Variants in KHDRBS2 observed in about 807,000 individuals in gnomAD.
KHDRBS2 encodes KH domain-containing, RNA-binding, signal transduction-associated protein 2.
In KHDRBS2, 26 loss-of-function variants were observed where a neutral mutation model predicts 44.3. That is an observed-to-expected ratio of 0.59 (90% CI 0.43 to 0.81). KHDRBS2 has a LOEUF of 0.81. Among genes scored for constraint, KHDRBS2 ranks in the 40% least tolerant of loss-of-function variants. The probability of loss-of-function intolerance (pLI) is 0.00; values close to 1 mark genes in which losing one functional copy is unlikely to be tolerated. For missense variants in KHDRBS2, 476 were observed against 433.1 expected (o/e 1.10, Z -0.88); for synonymous variants, 194 against 151.1 (o/e 1.28, Z -2.08).
At chr6:61,568,543 G>T in the KHDRBS2 span, among the ~76,000 whole-genome samples, 2 of 152,144 alleles carry the variant, frequency 1.3e-5, no homozygotes, top group African/African-American at 2.4e-5. Context: ...CAGATCCTTT[G>T]AATGTTACTG....
chr6:61,939,411 C>G (rs1811698638), intron 4 of KHDRBS2, among the ~76,000 whole-genome samples: 2 of 152,072 alleles, frequency 1.3e-5, no homozygotes, highest in Admixed American at 6.6e-5. Context: ...TTTCTGCTTA[C>G]CCCCTGTAAT....
At chr6:61,693,417 C>T (rs1767578632) in intron 8 of KHDRBS2, among the ~76,000 whole-genome samples, 1 of 152,112 alleles carries the variant, frequency 6.6e-6, no homozygotes, top group Non-Finnish European at 1.5e-5. Flanking sequence ...TTTGTCCTTG[C>T]TCTATTGCCT....
intron 6 of KHDRBS2, among the ~76,000 whole-genome samples, chr6:61,871,330 C>T (rs1214363326): frequency 1.3e-5 from 2 of 152,136 alleles, no homozygotes; most frequent in African/African-American, 4.8e-5. Context: ...AAGGAATAAA[C>T]AAAGCCTCCA....
intron 6 of KHDRBS2, among the ~76,000 whole-genome samples, chr6:61,878,555 T>C (rs1250427010): frequency 6.6e-6 from 1 of 152,026 alleles, no homozygotes; most frequent in Non-Finnish European, 1.5e-5. Flanking sequence ...GTTTTGAACT[T>C]GCTGTTCTGC....
intron 6 of KHDRBS2, among the ~76,000 whole-genome samples, chr6:61,747,526 C>T (rs1777046495): frequency 6.6e-6 from 1 of 152,022 alleles, no homozygotes. Context: ...AATTTTTACA[C>T]ATTATTTCAC....
At chr6:62,097,928 A>T (rs1464095586) in intron 2 of KHDRBS2, among the ~76,000 whole-genome samples, 1 of 152,082 alleles carries the variant, frequency 6.6e-6, no homozygotes, top group African/African-American at 2.4e-5. Flanking sequence ...GTCTTACCAA[A>T]ACATCTTGGA....
the KHDRBS2 span, among the ~76,000 whole-genome samples, chr6:61,641,956 T>C: frequency 6.6e-6 from 1 of 152,192 alleles, no homozygotes; most frequent in South Asian, 2.1e-4. Flanking sequence ...TTTAGTCCTC[T>C]CAATTCTACA....
At chr6:61,795,972 T>A (rs931450317) in intron 6 of KHDRBS2, among the ~76,000 whole-genome samples, 1 of 152,130 alleles carries the variant, frequency 6.6e-6, no homozygotes, top group Non-Finnish European at 1.5e-5. Context: ...GTAGTTAAGA[T>A]CATGAGGATG....
At chr6:61,735,280 C>T (rs7755261) in intron 6 of KHDRBS2, among the ~76,000 whole-genome samples, 54,605 of 151,790 alleles carry the variant, frequency 0.36, 10,580 homozygotes, top group East Asian at 0.48. Flanking sequence ...TTTTAAGAAA[C>T]CATTTGCAAA....
Position 62,075,950 on chromosome 6 carries a change from A to G in KHDRBS2, c.220-27956T>C, listed in dbSNP as rs139754870. Among the ~76,000 whole-genome samples, 268 of 150,410 alleles carry G rather than the reference A, an allele frequency of 1.8e-3. 2 individuals carry two copies. The highest frequency in any genetic ancestry group is 6.2e-3 in the African/African-American group (253 of 40,944). Reference sequence around the variant, plus strand: ...ATGGCACCAAGGAATTTTTTTGATCAATTTGAATGTAGATTTTTTTTGCTG... The same window carrying G: ...ATGGCACCAAGGAATTTTTTTGATCGATTTGAATGTAGATTTTTTTTGCTG... On this transcript the variant is annotated intron_variant, in intron 2 of 8. Coordinates refer to ENST00000281156, the MANE Select transcript of KHDRBS2 (RefSeq NM_152688.4).
At chr6:62,131,666 C>T (rs540896655) in intron 2 of KHDRBS2, among the ~76,000 whole-genome samples, 1 of 152,224 alleles carries the variant, frequency 6.6e-6, no homozygotes, top group East Asian at 1.9e-4. Context: ...CTCTGGTTTC[C>T]TATTGGGGTC....
At chr6:61,848,521 A>ACG (rs1477778672) in intron 6 of KHDRBS2, among the ~76,000 whole-genome samples, 3 of 50,108 alleles carry the variant, frequency 6.0e-5, no homozygotes, top group African/African-American at 2.8e-4. Flanking sequence ...GTATATATGT[A>ACG]TATATATATA....
intron 1 of KHDRBS2, among the ~76,000 whole-genome samples, chr6:62,216,696 C>CTT (rs562340356): frequency 0.24 from 34,115 of 139,946 alleles, 4,609 homozygotes; most frequent in African/African-American, 0.29. Context: ...TCTTTCTCCT[C>CTT]TTTTTTTTTT....
intron 3 of KHDRBS2, among the ~76,000 whole-genome samples, chr6:62,011,140 A>C (rs1430171559): frequency 6.6e-6 from 1 of 152,146 alleles, no homozygotes; most frequent in Non-Finnish European, 1.5e-5. Context: ...GTTGGTGTGA[A>C]AGAAATTATT....
intron 6 of KHDRBS2, among the ~76,000 whole-genome samples, chr6:61,735,268 T>TA (rs67647814): frequency 0.042 from 6,270 of 149,512 alleles, 157 homozygotes; most frequent in East Asian, 0.086. Flanking sequence ...TATATATATA[T>TA]TTTTTAAGAA....
At position 62,190,563 on chromosome 6, in the gene KHDRBS2, C is replaced by A. The variant is rs191800863; in HGVS notation, c.92-13251G>T. ...GTTGATTTCACCCATTGCGATAATACACATCTACCATCTTTCATCTTTTTA... is the reference window on the plus strand; with the variant it reads ...GTTGATTTCACCCATTGCGATAATAAACATCTACCATCTTTCATCTTTTTA... On this transcript the variant is annotated intron_variant, in intron 1 of 8. Coordinates refer to ENST00000281156, the MANE Select transcript of KHDRBS2 (RefSeq NM_152688.4). Among the ~76,000 whole-genome samples, 308 of 152,204 alleles carry A rather than the reference C, an allele frequency of 2.0e-3. 2 individuals carry two copies. The highest frequency in any genetic ancestry group is 6.9e-3 in the African/African-American group (288 of 41,548).
intron 2 of KHDRBS2, among the ~76,000 whole-genome samples, chr6:62,130,558 T>A (rs1810054045): frequency 2.7e-5 from 4 of 149,730 alleles, no homozygotes; most frequent in Admixed American, 2.0e-4. Flanking sequence ...TTTATTAACA[T>A]AATTGTTTTT....
chr6:61,590,756 A>T, the KHDRBS2 span, among the ~76,000 whole-genome samples: 1 of 152,212 alleles, frequency 6.6e-6, no homozygotes, highest in African/African-American at 2.4e-5. Context: ...AATATGACAT[A>T]GTTATTCAAT....
At chr6:61,547,317 G>T in the KHDRBS2 span, among the ~76,000 whole-genome samples, 4 of 152,200 alleles carry the variant, frequency 2.6e-5, no homozygotes, top group African/African-American at 7.2e-5. Context: ...AAGTGTGCAT[G>T]CAGACTTAAC....
Sources: gnomAD v4.1 joint callset for allele counts (sites outside exome capture counted in the v4.1 genomes callset) on GRCh38, gnomAD v4.1.1 for gene constraint, MANE v1.5 for transcripts, NCBI Gene and HGNC (gene_info 2026-07-23, HGNC 2026-07-21) for gene names.